Variants in ASXL3 observed in about 807,000 individuals in gnomAD.
ASXL3 encodes the protein ASXL transcriptional regulator 3, also known as putative Polycomb group protein ASXL3.
A neutral mutation model predicts 170.6 loss-of-function variants in ASXL3; 34 were observed. That is an observed-to-expected ratio of 0.20 (90% CI 0.15 to 0.27). The LOEUF is 0.27. ASXL3 is among the 10% of genes least tolerant of loss of function. The pLI is 1.00. For synonymous variants in ASXL3, 1,002 were observed against 989.1 expected (o/e 1.01, Z -0.24); for missense variants, 2,592 against 2,695.3 (o/e 0.96, Z 0.85).
rs201913084 is a variant in ASXL3, at chr18:33,742,863, A to AT, written c.3040-16dup. On this transcript the variant is annotated intron_variant, in intron 11 of 11. Transcript: ENST00000269197. ...TGTGATCATGTATGAAGCACATTAT[A>AT]TTTTTTTTTCTGTCCTCCTTTTAGA... 8.9e-4 allele frequency: 1,366 copies of AT among 1,543,034 alleles called. 3 individuals are homozygous for AT. The highest frequency in any genetic ancestry group is 8.4e-3 in the African/African-American group (606 of 71,924).
chr18:33,661,266 C>T (rs2145232124), intron 4 of ASXL3, among the ~76,000 whole-genome samples: 1 of 152,014 alleles, frequency 6.6e-6, no homozygotes, highest in East Asian at 1.9e-4. Context: ...TTTTAGAATA[C>T]TATGCATTGC....
chr18:33,589,733 TTAGTA>T (rs2065062235), intron 1 of ASXL3, among the ~76,000 whole-genome samples: 1 of 152,156 alleles, frequency 6.6e-6, no homozygotes, highest in South Asian at 2.1e-4. Flanking sequence ...TGGAATAACC[TTAGTA>T]TATCAATCAT....
intron 7 of ASXL3, among the ~76,000 whole-genome samples, chr18:33,676,252 TCA>T (rs2145267894): frequency 1.1e-5 from 1 of 88,804 alleles, no homozygotes; most frequent in Non-Finnish European, 2.4e-5. Context: ...AAAAAATTAT[TCA>T]GTCATTCTAA....
At chr18:33,662,918 C>T (rs1005896832) in intron 5 of ASXL3, among the ~76,000 whole-genome samples, 6 of 152,126 alleles carry the variant, frequency 3.9e-5, no homozygotes, top group Admixed American at 2.6e-4. Context: ...TTCTCCTGTA[C>T]CTCAGACAAG....
In ASXL3 at chr18:33,645,402, T is replaced by G. The variant is rs78531092; in HGVS notation, c.246+400T>G. Among the ~76,000 whole-genome samples the G allele has an allele frequency of 1.8e-3, 268 of 151,980 alleles. 1 individual carries two copies. The highest frequency in any genetic ancestry group is 6.2e-3 in the African/African-American group (259 of 41,508). ...CTTGTCTTTTATAAAAATAAGACAT[T>G]TATTCATTCTGCTTGAAAACATTGA... On this transcript the variant is annotated intron_variant, in intron 3 of 11. Coordinates refer to ENST00000269197, the MANE Select transcript of ASXL3 (RefSeq NM_030632.3).
In ASXL3 at chr18:33,748,071, C is replaced by G. The variant is rs2067825157; in HGVS notation, c.*1476C>G. Reference sequence around the variant, plus strand: ...ATTACAGAGCACAAAATGTGGAGTGCCATTAACCCATTGATTGATTGTGGC... The same window carrying G: ...ATTACAGAGCACAAAATGTGGAGTGGCATTAACCCATTGATTGATTGTGGC... On this transcript the variant is annotated 3_prime_UTR_variant, in exon 12 of 12. Transcript: ENST00000269197. The G allele has an allele frequency of 6.6e-6, 1 of 151,744 alleles. No individual in the cohort carries two copies. Among genetic ancestry groups the G allele is most frequent in the Non-Finnish European group, 1.5e-5 (1 of 67,994 alleles). 9.4% of individuals were successfully genotyped at this position (151,744 alleles called of 1,614,324 possible). A position where few individuals can be genotyped will look rare whatever the true frequency, so the allele number is the denominator to read the frequency against.
At chr18:33,636,987 A>G (rs1461073329) in intron 2 of ASXL3, among the ~76,000 whole-genome samples, 2 of 152,060 alleles carry the variant, frequency 1.3e-5, no homozygotes, top group Non-Finnish European at 2.9e-5. Flanking sequence ...AATACATAGT[A>G]TTTTTAAGTA....
At position 33,744,693 on chromosome 18, in the gene ASXL3, G is replaced by C; in HGVS notation, c.4845G>C (p.Arg1615Ser). 6 of 1,611,440 alleles carry C rather than the reference G, an allele frequency of 3.7e-6. No individual in the cohort carries two copies. Among genetic ancestry groups the C allele is most frequent in the Non-Finnish European group, 5.1e-6 (6 of 1,178,606 alleles). ...TTTGCTGGAATGATGATGGGATGAG[G>C]AGCACAGGACAGCCTCTGGTTACTC... Reference protein sequence around the residue: ...NRICWNDDGMRSTGQPLVTHS... With the variant: ...NRICWNDDGMSSTGQPLVTHS... The change falls in exon 12 of 12, where the codon AGG becomes AGC. Residue 1615 changes from arginine (R) to serine (S), a missense_variant. Arg to Ser is a moderately radical substitution (Grantham distance 110). This residue lies in a region of ASXL3 where 2,246 missense variants were observed against 2,219.6 expected (regional missense o/e 1.01). Transcript: ENST00000269197.
At chr18:33,664,760 T>C (rs962501229) in intron 5 of ASXL3, among the ~76,000 whole-genome samples, 4 of 152,220 alleles carry the variant, frequency 2.6e-5, no homozygotes, top group Non-Finnish European at 5.9e-5. Flanking sequence ...TTTGATGTCA[T>C]AGCACTGTTG....
chr18:33,737,059 C>CT (rs1273696985), intron 10 of ASXL3, among the ~76,000 whole-genome samples: 1 of 151,940 alleles, frequency 6.6e-6, no homozygotes, highest in Non-Finnish European at 1.5e-5. Context: ...GATTATTCTG[C>CT]TTTAAATTTA....
chr18:33,663,693 A>G (rs73955171), intron 5 of ASXL3, among the ~76,000 whole-genome samples: 471 of 152,264 alleles, frequency 3.1e-3, no homozygotes, highest in African/African-American at 0.01. Context: ...TATGTAGCAA[A>G]TATGCTAATA....
intron 2 of ASXL3, among the ~76,000 whole-genome samples, chr18:33,614,043 T>C (rs1412774351): frequency 6.6e-6 from 1 of 152,122 alleles, no homozygotes; most frequent in East Asian, 1.9e-4. Flanking sequence ...TGCTGAAGGA[T>C]GGAATGGCTG....
intron 8 of ASXL3, among the ~76,000 whole-genome samples, chr18:33,709,983 C>T (rs576515083): frequency 2.7e-4 from 41 of 152,202 alleles, no homozygotes; most frequent in African/African-American, 8.9e-4. Context: ...GGGCCGGGTG[C>T]GGTGGCTCAT....
rs1271731405 is a variant in ASXL3 at position 33,744,243 on chromosome 18, A to G, written c.4395A>G (p.Ile1465Met). 3.1e-6 allele frequency: 5 copies of G among 1,614,018 alleles called. No individual in the cohort carries two copies. The East Asian group carries it at 1.1e-4, about 36-fold the overall frequency. The change falls in exon 12 of 12, where the codon ATA (isoleucine) becomes ATG (methionine). Residue 1465 changes from isoleucine to methionine, a missense_variant. Ile to Met is a conservative substitution (Grantham distance 10). This residue lies in a region of ASXL3 where 2,246 missense variants were observed against 2,219.6 expected (regional missense o/e 1.01). Transcript: ENST00000269197. The stretch of plus-strand genomic sequence containing the variant: ...CAGGGGGCTTTGCACCAGCAGCCAT[A>G]AACCGATCAATTCCGTGTAAAGTCA... Reference protein sequence around the residue: ...QPPGGFAPAAINRSIPCKVIV... With the variant: ...QPPGGFAPAAMNRSIPCKVIV...
intron 3 of ASXL3, 73 bp from the exon 4 acceptor site, chr18:33,646,172 C>T: frequency 9.1e-7 from 1 of 1,103,854 alleles, no homozygotes; most frequent in East Asian, 2.4e-5. Context: ...CTGTAGGATT[C>T]TGCAAGTATT....
intron 1 of ASXL3, among the ~76,000 whole-genome samples, chr18:33,590,095 G>A (rs895407036): frequency 1.6e-5 from 2 of 123,524 alleles, no homozygotes; most frequent in African/African-American, 8.5e-5. Context: ...ATGTCGTCAA[G>A]GTATTTGCTT....
intron 7 of ASXL3, among the ~76,000 whole-genome samples, chr18:33,674,514 C>T (rs570520828): frequency 1.3e-5 from 2 of 152,186 alleles, no homozygotes; most frequent in Admixed American, 1.3e-4. Context: ...CAAATGAAGT[C>T]AGTAGTACTT....
chr18:33,717,863 A>G (rs143433336), intron 8 of ASXL3, among the ~76,000 whole-genome samples: 1 of 152,246 alleles, frequency 6.6e-6, no homozygotes, highest in Non-Finnish European at 1.5e-5. Flanking sequence ...GTGCACAGCT[A>G]ATTCATTTAA....
At chr18:33,718,200 T>C (rs944430033) in intron 8 of ASXL3, among the ~76,000 whole-genome samples, 18 of 152,244 alleles carry the variant, frequency 1.2e-4, no homozygotes, top group Admixed American at 6.5e-5. Flanking sequence ...AGGGAGATTA[T>C]AGTCTGCTCT....
Sources: allele counts gnomAD v4.1 joint callset (sites outside exome capture counted in the v4.1 genomes callset), GRCh38; gene constraint gnomAD v4.1.1; regional missense constraint gnomAD v4.1.1; transcripts MANE v1.5; gene names NCBI Gene and HGNC (gene_info 2026-07-23, HGNC 2026-07-21).